The following LRRD1 variants were observed in gnomAD, a reference collection of about 807,000 sequenced individuals.
The protein encoded by LRRD1 is leucine rich repeats and death domain containing 1, also known as leucine-rich repeat and death domain-containing protein 1.
In LRRD1, 49 loss-of-function variants were observed where a neutral mutation model predicts 69.5. The observed-to-expected ratio is 0.70, with a 90% CI of 0.56 to 0.89. LRRD1 has a LOEUF of 0.89. LRRD1 is among the 40% of genes least tolerant of loss of function. The pLI is 0.00. For missense variants in LRRD1, 853 were observed against 956.0 expected (o/e 0.89, Z 1.42); for synonymous variants, 303 against 338.9 (o/e 0.89, Z 1.16).
At chr7:92,148,733 A>C (rs1191829872) in intron 4 of LRRD1, among the ~76,000 whole-genome samples, 1 of 152,148 alleles carries the variant, frequency 6.6e-6, no homozygotes, top group Non-Finnish European at 1.5e-5. Flanking sequence ...ATTCTATAGA[A>C]ATAGAATTAC....
downstream of LRRD1, among the ~76,000 whole-genome samples, chr7:92,143,952 G>C (rs1820244764): frequency 6.6e-6 from 1 of 152,236 alleles, no homozygotes; most frequent in Admixed American, 6.5e-5. Flanking sequence ...ATTGATGTTA[G>C]TGCTGGAGTA....
At chr7:92,158,966 A>C in intron 3 of LRRD1, 39 bp downstream of exon 3, 1 of 1,482,248 alleles carries the variant, frequency 6.7e-7, no homozygotes, top group Non-Finnish European at 9.0e-7. Context: ...TTAATACTCT[A>C]CTTATTGATT....
Position 92,164,146 on chromosome 7 carries a change from C to T in LRRD1, c.1057G>A (p.Glu353Lys), listed in dbSNP as rs1421155812. The T allele has an allele frequency of 6.5e-7, 1 of 1,548,832 alleles. No homozygotes were observed. The highest frequency in any genetic ancestry group is 8.7e-7 in the Non-Finnish European group (1 of 1,146,200). Residue 353 changes from glutamate to lysine, a missense_variant, in exon 2 of 6, where the codon GAA becomes AAA. Glu to Lys is a moderately conservative substitution (Grantham distance 56). Coordinates refer to ENST00000458448, the MANE Select transcript of LRRD1 (RefSeq NM_001161528.2). The stretch of plus-strand genomic sequence containing the variant: ...AATTTATTGTCGGCCAGTTGGAGTT[C>T]TTTTATTTTGAGTAACTGAAAAATT... ...VEIFQLLKIK[E>K]LQLADNKLEV...
intron 4 of LRRD1, among the ~76,000 whole-genome samples, chr7:92,147,781 G>T (rs910736020): frequency 1.3e-5 from 2 of 151,730 alleles, no homozygotes; most frequent in African/African-American, 2.4e-5. Context: ...GCTCAGACTG[G>T]AGTGCAGTAG....
At position 92,165,536 on chromosome 7, in the gene LRRD1, G is replaced by C. The variant is rs2131010638; in HGVS notation, c.-74-260C>G. 2.0e-5 allele frequency among the ~76,000 whole-genome samples: 3 copies of C among 152,062 alleles called. No homozygotes were observed. The Middle Eastern group carries it at 0.01, about 517-fold the overall frequency. On this transcript the variant is annotated intron_variant, in intron 1 of 5. Coordinates refer to ENST00000458448, the MANE Select transcript of LRRD1 (RefSeq NM_001161528.2). ...AAGAAAATTAGAAAAAAGCCATAAG[G>C]GACTGAGAGGATTCAGCAAATTTCA...
At chr7:92,144,479 T>C (rs1053731739), downstream of LRRD1, among the ~76,000 whole-genome samples, 8 of 151,708 alleles carry the variant, frequency 5.3e-5, no homozygotes, top group Admixed American at 3.9e-4. Flanking sequence ...ATACAAAAAT[T>C]ATCCCGGCGT....
At chr7:92,143,692 C>T (rs1323642570), downstream of LRRD1, among the ~76,000 whole-genome samples, 10 of 152,194 alleles carry the variant, frequency 6.6e-5, no homozygotes, top group East Asian at 3.9e-4. Flanking sequence ...CCCGGGTTCC[C>T]GCCCGCGCCT....
intron 2 of LRRD1, among the ~76,000 whole-genome samples, chr7:92,162,713 C>T (rs1788815320): frequency 6.6e-6 from 1 of 151,936 alleles, no homozygotes; most frequent in African/African-American, 2.4e-5. Context: ...AAATGCATAA[C>T]AAGAGGTTTA....
downstream of LRRD1, chr7:92,144,761 A>G (rs918006338): frequency 2.0e-6 from 1 of 498,106 alleles, no homozygotes. Flanking sequence ...AGTTGTCATC[A>G]TCTCTTAAGA....
chr7:92,169,940 T>C (rs915097692), intron 1 of LRRD1, among the ~76,000 whole-genome samples: 55 of 151,814 alleles, frequency 3.6e-4, no homozygotes, highest in African/African-American at 1.2e-3. Flanking sequence ...CGTGGTGATG[T>C]GTGCTTGTGG....
At chr7:92,157,086 A>G (rs1788676025) in intron 3 of LRRD1, among the ~76,000 whole-genome samples, 1 of 140,608 alleles carries the variant, frequency 7.1e-6, no homozygotes, top group Admixed American at 7.6e-5. Context: ...GCTGGAATGC[A>G]GTGGCACAAT....
chr7:92,150,394 G>A lies in LRRD1; in HGVS notation c.2278+140C>T, dbSNP rs559557789. The A allele has an allele frequency of 3.0e-4, 192 of 640,784 alleles. 1 individual carries two copies. The highest frequency in any genetic ancestry group is 1.9e-3 in the Middle Eastern group (4 of 2,146). The allele number at this position is 640,784 out of a possible 1,614,324, so 39.7% of individuals were successfully genotyped here. On this transcript the variant is annotated intron_variant, in intron 4 of 5. Transcript: ENST00000458448. ...GTGGGAGGATCACTTGAGCCCAGGAGTCCGAGGCTGCAGTGAGTCGTGATC... is the reference window on the plus strand; with the variant it reads ...GTGGGAGGATCACTTGAGCCCAGGAATCCGAGGCTGCAGTGAGTCGTGATC...
Position 92,146,201 on chromosome 7 carries a change from C to G in LRRD1, c.2279-1G>C. On this transcript the variant is annotated splice_acceptor_variant, in intron 4 of 5. Coordinates refer to ENST00000458448, the MANE Select transcript of LRRD1 (RefSeq NM_001161528.2). LOFTEE classifies it high-confidence loss of function. ...TTGAATATCTTCTCTAAAATTTTCT[C>G]TACGTTTGAACATAAAATAAAATGT... 1 of 1,389,526 alleles carries G rather than the reference C, an allele frequency of 7.2e-7. No individual in the cohort carries two copies. Among genetic ancestry groups the G allele is most frequent in the Admixed American group, 2.4e-5 (1 of 41,718 alleles). 86.1% of individuals were successfully genotyped at this position (1,389,526 alleles called of 1,614,324 possible). A position where few individuals can be genotyped will look rare whatever the true frequency, so the allele number is the denominator to read the frequency against.
chr7:92,167,882 A>AAAAAAAAAAAT (rs1788949997), intron 1 of LRRD1, among the ~76,000 whole-genome samples: 4 of 98,128 alleles, frequency 4.1e-5, no homozygotes, highest in African/African-American at 1.7e-4. Context: ...GTCTCAAAAA[A>AAAAAAAAAAAT]AAAAAAAAAA....
chr7:92,144,111 A>G (rs1336099264), downstream of LRRD1, among the ~76,000 whole-genome samples: 2 of 152,322 alleles, frequency 1.3e-5, no homozygotes, highest in East Asian at 3.9e-4. Context: ...TCCTGTCTGG[A>G]CACTCAACTG....
chr7:92,173,816 T>G (rs180687328), intron 1 of LRRD1, among the ~76,000 whole-genome samples: 144 of 152,238 alleles, frequency 9.5e-4, no homozygotes, highest in African/African-American at 3.3e-3. Context: ...GGTTCAGGAA[T>G]TCCACTACTG....
Position 92,164,783 on chromosome 7 carries a change from C to T in LRRD1, c.420G>A (p.Gly140=). The T allele has an allele frequency of 6.4e-7, 1 of 1,551,514 alleles. No individual in the cohort carries two copies. Among genetic ancestry groups the T allele is most frequent in the Non-Finnish European group, 8.7e-7 (1 of 1,146,906 alleles). The change falls in exon 2 of 6, where the codon GGG becomes GGA. Residue 140 remains glycine, a synonymous_variant. Coordinates refer to ENST00000458448, the MANE Select transcript of LRRD1 (RefSeq NM_001161528.2). ...SEENQKQLGL[G]ADNFTVNLEA... ...CAAGGTTAACTGTAAAGTTATCTGC[C>T]CCTAGGCCAAGTTGTTTCTGATTTT... is the stretch of plus-strand genomic sequence containing the variant.
intron 1 of LRRD1, among the ~76,000 whole-genome samples, chr7:92,176,810 G>A (rs571509648): frequency 6.6e-6 from 1 of 151,846 alleles, no homozygotes; most frequent in East Asian, 1.9e-4. Flanking sequence ...TGATCCACTC[G>A]CCTCAGCCTC....
At chr7:92,150,283 G>T (rs529517688) in intron 4 of LRRD1, among the ~76,000 whole-genome samples, 1 of 152,224 alleles carries the variant, frequency 6.6e-6, no homozygotes, top group South Asian at 2.1e-4. Flanking sequence ...GGGCAACACA[G>T]TGAGACCCTG....
Sources: gnomAD v4.1 joint callset for allele counts (sites outside exome capture counted in the v4.1 genomes callset) on GRCh38, gnomAD v4.1.1 for gene constraint, MANE v1.5 for transcripts, NCBI Gene and HGNC (gene_info 2026-07-23, HGNC 2026-07-21) for gene names.